CERS3: variants seen among roughly 807,000 people sequenced by gnomAD.
The protein encoded by CERS3 is ceramide synthase 3.
A neutral mutation model predicts 50.3 loss-of-function variants in CERS3; 33 were observed. The observed-to-expected ratio is 0.66, with a 90% confidence interval of 0.50 to 0.88. The LOEUF is 0.88. CERS3 is among the 40% of genes least tolerant of loss of function. The pLI is 0.00. For missense variants in CERS3, 470 were observed against 460.3 expected (o/e 1.02, Z -0.19); for synonymous variants, 176 against 155.2 (o/e 1.13, Z -0.99).
intron 3 of CERS3, among the ~76,000 whole-genome samples, chr15:100,492,069 C>T (rs188041222): frequency 6.6e-6 from 1 of 152,216 alleles, no homozygotes; most frequent in East Asian, 1.9e-4. Context: ...GGAAAACATA[C>T]TTTCTATCTA....
intron 11 of CERS3, among the ~76,000 whole-genome samples, chr15:100,444,050 C>A (rs1372585901): frequency 6.6e-6 from 1 of 152,120 alleles, no homozygotes; most frequent in African/African-American, 2.4e-5. Flanking sequence ...CAGGGCTGTG[C>A]AATCAGAATT....
At chr15:100,493,363 A>C (rs1319930415) in intron 3 of CERS3, among the ~76,000 whole-genome samples, 1 of 152,136 alleles carries the variant, frequency 6.6e-6, no homozygotes, top group African/African-American at 2.4e-5. Context: ...TTTATGTGTC[A>C]TTCCGCCGCC....
At chr15:100,443,461 C>G (rs1464290194) in intron 11 of CERS3, among the ~76,000 whole-genome samples, 1 of 149,162 alleles carries the variant, frequency 6.7e-6, no homozygotes, top group Non-Finnish European at 1.5e-5. Context: ...TTTTGCCTAT[C>G]CACCCCATGG....
At chr15:100,504,794 C>G (rs898069715) in intron 2 of CERS3, among the ~76,000 whole-genome samples, 1 of 152,162 alleles carries the variant, frequency 6.6e-6, no homozygotes, top group African/African-American at 2.4e-5. Flanking sequence ...AAGAATTGAT[C>G]AACTTTCATG....
At chr15:100,538,208 T>C (rs565476521) in intron 1 of CERS3, among the ~76,000 whole-genome samples, 20 of 152,332 alleles carry the variant, frequency 1.3e-4, no homozygotes, top group African/African-American at 4.8e-4. Context: ...CAGGCTGGCA[T>C]TGAGTGTTTG....
At chr15:100,544,160 C>T (rs185520925) in intron 1 of CERS3, 1 of 152,382 alleles carries the variant, frequency 6.6e-6, no homozygotes, top group African/African-American at 2.4e-5. Flanking sequence ...GGGGGCCCAA[C>T]CCAGCAACCC....
At chr15:100,483,544 C>T (rs1433061734) in intron 5 of CERS3, among the ~76,000 whole-genome samples, 1 of 152,014 alleles carries the variant, frequency 6.6e-6, no homozygotes, top group African/African-American at 2.4e-5. Context: ...CCAAATATTA[C>T]TCAATTTAAG....
chr15:100,401,412 A>G lies in CERS3; in HGVS notation c.*1301T>C, dbSNP rs2030520411. On this transcript the variant is annotated 3_prime_UTR_variant, in exon 12 of 12. Coordinates refer to ENST00000679737, the MANE Select transcript of CERS3 (RefSeq NM_001378789.1). ...CCGCAAGGGAGGCAGGGACGTGTGC[A>G]AGTCTTCTCCGGTGCTCCCTTCCGG... 1 of 152,264 alleles carries G rather than the reference A, an allele frequency of 6.6e-6. No homozygotes were observed. The highest frequency in any genetic ancestry group is 1.5e-5 in the Non-Finnish European group (1 of 68,138). 9.4% of individuals were successfully genotyped at this position (152,264 alleles called of 1,614,324 possible).
intron 11 of CERS3, among the ~76,000 whole-genome samples, chr15:100,417,735 A>AGAAC (rs1261140476): frequency 6.6e-6 from 1 of 151,882 alleles, no homozygotes. Flanking sequence ...TGGAGATCTG[A>AGAAC]GAACGGGCAG....
intron 11 of CERS3, among the ~76,000 whole-genome samples, chr15:100,425,136 G>A (rs1365830295): frequency 1.3e-5 from 2 of 152,220 alleles, no homozygotes; most frequent in African/African-American, 4.8e-5. Context: ...CGAAGGGGTG[G>A]AGCACTCATG....
At chr15:100,455,806 A>G (rs942929701) in intron 11 of CERS3, 87 bp downstream of exon 11, 1 of 866,096 alleles carries the variant, frequency 1.2e-6, no homozygotes, top group African/African-American at 1.7e-5. Context: ...GGTTAAAACT[A>G]TGAATTAACT....
At position 100,543,543 on chromosome 15, in the gene CERS3, T is replaced by G. The variant is rs1180080567; in HGVS notation, c.-355+1108A>C. ...CTCCTTCCTTTCTTTCTTTTTTTTTTTTTTATTAGAAGTTTTGCTCTTGTT... is the reference window on the plus strand; with the variant it reads ...CTCCTTCCTTTCTTTCTTTTTTTTTGTTTTATTAGAAGTTTTGCTCTTGTT... On this transcript the variant is annotated intron_variant, in intron 1 of 12. Transcript: ENST00000284382. Among the ~76,000 whole-genome samples the G allele has an allele frequency of 3.2e-4, 48 of 151,758 alleles. 1 individual carries two copies. The highest frequency in any genetic ancestry group is 6.6e-4 in the Admixed American group (10 of 15,258).
intron 1 of CERS3, among the ~76,000 whole-genome samples, chr15:100,542,935 A>G (rs2037236341): frequency 6.6e-6 from 1 of 152,046 alleles, no homozygotes; most frequent in Non-Finnish European, 1.5e-5. Flanking sequence ...TGTTTTTGAG[A>G]TGGAGTCTTG....
At chr15:100,501,225 C>A (rs1436481608) in intron 3 of CERS3, among the ~76,000 whole-genome samples, 1 of 152,122 alleles carries the variant, frequency 6.6e-6, no homozygotes, top group Non-Finnish European at 1.5e-5. Context: ...TACTATATAG[C>A]AATATTTGGT....
intron 11 of CERS3, among the ~76,000 whole-genome samples, chr15:100,443,015 T>C (rs1351101385): frequency 1.4e-5 from 2 of 138,696 alleles, no homozygotes; most frequent in South Asian, 4.5e-4. Context: ...TAAGCACTCC[T>C]TTTTAGTTAT....
At chr15:100,515,461 C>T (rs1284598251) in intron 2 of CERS3, among the ~76,000 whole-genome samples, 5 of 152,272 alleles carry the variant, frequency 3.3e-5, no homozygotes, top group Non-Finnish European at 7.3e-5. Context: ...CACCTTAATC[C>T]GCTTGGGCTT....
rs1201346723 is a variant in CERS3, at chr15:100,459,556, G to A, written c.846-3510C>T. ...GCTTAAGGGAGTTAAGCCTTCCAAAGTTCTAGGATTATAGGCATGAACCAC... is the reference window on the plus strand; with the variant it reads ...GCTTAAGGGAGTTAAGCCTTCCAAAATTCTAGGATTATAGGCATGAACCAC... On this transcript the variant is annotated intron_variant, in intron 10 of 11. Coordinates refer to ENST00000679737, the MANE Select transcript of CERS3 (RefSeq NM_001378789.1). Among the ~76,000 whole-genome samples, 5 of 152,168 alleles carry A rather than the reference G, an allele frequency of 3.3e-5. No individual in the cohort carries two copies. In the South Asian group the frequency reaches 6.2e-4, roughly 19 times the overall value.
chr15:100,412,133 C>CATTTTTTCATTT (rs2031539011), intron 11 of CERS3, among the ~76,000 whole-genome samples: 2 of 152,032 alleles, frequency 1.3e-5, no homozygotes, highest in African/African-American at 2.4e-5. Context: ...CAAATTTGCC[C>CATTTTTTCATTT]ATTTTTTCAT....
chr15:100,505,926 G>A (rs1051585499), intron 2 of CERS3, among the ~76,000 whole-genome samples: 1 of 152,188 alleles, frequency 6.6e-6, no homozygotes, highest in African/African-American at 2.4e-5. Flanking sequence ...GAGGTGGGAG[G>A]ATTGCTTGAG....
Sources: allele counts gnomAD v4.1 joint callset (sites outside exome capture counted in the v4.1 genomes callset), GRCh38; gene constraint gnomAD v4.1.1; transcripts MANE v1.5; gene names NCBI Gene and HGNC (gene_info 2026-07-23, HGNC 2026-07-21).